JAM3: variants seen among roughly 807,000 people sequenced by gnomAD.
JAM3 encodes the protein junctional adhesion molecule C.
JAM3 carries 31 observed loss-of-function variants against 39.4 expected under a neutral mutation model. The ratio of observed to expected loss-of-function variants is 0.79; its 90% CI spans 0.59 to 1.06. The LOEUF is 1.06. Among genes scored for constraint, JAM3 ranks in the 50% least tolerant of loss-of-function variants. The probability of loss-of-function intolerance (pLI) is 0.00; values close to 1 mark genes in which losing one functional copy is unlikely to be tolerated. For synonymous variants in JAM3, 182 were observed against 148.7 expected (o/e 1.22, Z -1.63); for missense variants, 455 against 391.4 (o/e 1.16, Z -1.37).
intron 1 of JAM3, among the ~76,000 whole-genome samples, chr11:134,077,650 CTTTTTTTT>C (rs71038558): frequency 8.8e-5 from 9 of 102,038 alleles, no homozygotes; most frequent in African/African-American, 1.3e-4. Context: ...TGGCTGGCGC[CTTTTTTTT>C]TTTTTTTTTT....
At chr11:134,114,151 C>T (rs1275099677) in intron 1 of JAM3, among the ~76,000 whole-genome samples, 1 of 152,126 alleles carries the variant, frequency 6.6e-6, no homozygotes. Context: ...GTTGCCTGTT[C>T]ACTGTGATGG....
intron 1 of JAM3, among the ~76,000 whole-genome samples, chr11:134,098,149 C>G (rs761623720): frequency 1.3e-5 from 2 of 152,132 alleles, no homozygotes; most frequent in Non-Finnish European, 2.9e-5. Context: ...CACCCAAGCT[C>G]TGCTCTCCAG....
chr11:134,107,890 GA>G (rs1032820183), intron 1 of JAM3, among the ~76,000 whole-genome samples: 1 of 150,632 alleles, frequency 6.6e-6, no homozygotes, highest in African/African-American at 2.4e-5. Flanking sequence ...AGAAAAATAG[GA>G]AAAAAAATCA....
intron 6 of JAM3, among the ~76,000 whole-genome samples, chr11:134,147,260 C>G (rs1335194857): frequency 6.6e-6 from 1 of 151,712 alleles, no homozygotes; most frequent in Admixed American, 6.6e-5. Flanking sequence ...TCAAGACCAG[C>G]CTGGCCAACA....
intron 1 of JAM3, among the ~76,000 whole-genome samples, chr11:134,124,892 CGAA>C (rs1405790932): frequency 1.3e-5 from 2 of 152,244 alleles, no homozygotes; most frequent in Non-Finnish European, 2.9e-5. Context: ...TATATTCCAA[CGAA>C]AAACGCTGGC....
At chr11:134,122,588 G>A (rs2062669662) in intron 1 of JAM3, among the ~76,000 whole-genome samples, 1 of 152,102 alleles carries the variant, frequency 6.6e-6, no homozygotes. Flanking sequence ...TATGGCCTGT[G>A]GACACATACT....
At chr11:134,074,493 G>A (rs1941532816) in intron 1 of JAM3, among the ~76,000 whole-genome samples, 1 of 152,166 alleles carries the variant, frequency 6.6e-6, no homozygotes, top group African/African-American at 2.4e-5. Flanking sequence ...GTGGCTGACT[G>A]GAAGTTCAGT....
chr11:134,095,862 A>T (rs893401893), intron 1 of JAM3, among the ~76,000 whole-genome samples: 2 of 152,222 alleles, frequency 1.3e-5, no homozygotes, highest in African/African-American at 4.8e-5. Context: ...TAAGATTCAG[A>T]CAGGTTTCTA....
intron 1 of JAM3, among the ~76,000 whole-genome samples, chr11:134,136,689 C>T (rs995110617): frequency 1.3e-5 from 2 of 152,102 alleles, no homozygotes; most frequent in African/African-American, 4.8e-5. Flanking sequence ...ATACTGCCTT[C>T]TAGGATTGGC....
intron 1 of JAM3, among the ~76,000 whole-genome samples, chr11:134,105,037 G>A (rs1942155376): frequency 6.6e-6 from 1 of 152,098 alleles, no homozygotes; most frequent in Admixed American, 6.5e-5. Flanking sequence ...ACCAAAGCCT[G>A]GCAGAGACAC....
chr11:134,117,913 A>G (rs980651645), intron 1 of JAM3, among the ~76,000 whole-genome samples: 1 of 152,190 alleles, frequency 6.6e-6, no homozygotes, highest in Admixed American at 6.5e-5. Context: ...GCTATACTGG[A>G]TGGGGGTTAA....
At chr11:134,106,083 A>G (rs1485854164) in intron 1 of JAM3, among the ~76,000 whole-genome samples, 1 of 152,202 alleles carries the variant, frequency 6.6e-6, no homozygotes, top group Non-Finnish European at 1.5e-5. Flanking sequence ...GCATCATGCT[A>G]CCTGACTTCA....
At chr11:134,101,357 A>G (rs961339246) in intron 1 of JAM3, among the ~76,000 whole-genome samples, 3 of 152,228 alleles carry the variant, frequency 2.0e-5, no homozygotes, top group Non-Finnish European at 4.4e-5. Context: ...CTATTTAACT[A>G]TAAGTAGAGT....
chr11:134,127,127 A>G (rs1942663906), intron 1 of JAM3, among the ~76,000 whole-genome samples: 1 of 152,160 alleles, frequency 6.6e-6, no homozygotes, highest in South Asian at 2.1e-4. Context: ...AATTGTAGGC[A>G]TCAGAATGTA....
chr11:134,121,208 G>A (rs894643155), intron 1 of JAM3, among the ~76,000 whole-genome samples: 1 of 152,202 alleles, frequency 6.6e-6, no homozygotes, highest in Non-Finnish European at 1.5e-5. Flanking sequence ...CAAGCGAAGT[G>A]ATTGTCATAT....
chr11:134,105,714 A>G (rs1011979964), intron 1 of JAM3, among the ~76,000 whole-genome samples: 1 of 125,184 alleles, frequency 8.0e-6, no homozygotes, highest in Non-Finnish European at 1.6e-5. Context: ...AATAATAGAC[A>G]AACAGCCAAA....
chr11:134,125,719 A>G (rs1227256644), intron 1 of JAM3, among the ~76,000 whole-genome samples: 1 of 152,176 alleles, frequency 6.6e-6, no homozygotes, highest in Non-Finnish European at 1.5e-5. Context: ...ACTCAGGAGA[A>G]TGTACAGCTC....
At chr11:134,112,207 C>T (rs1247431176) in intron 1 of JAM3, among the ~76,000 whole-genome samples, 1 of 152,170 alleles carries the variant, frequency 6.6e-6, no homozygotes, top group Admixed American at 6.5e-5. Context: ...CTGCCTCAGC[C>T]TCCCAAGTAG....
chr11:134,090,407 T>C (rs1396360782), intron 1 of JAM3, among the ~76,000 whole-genome samples: 3 of 152,228 alleles, frequency 2.0e-5, no homozygotes, highest in Admixed American at 6.5e-5. Flanking sequence ...TGGTATTGCC[T>C]AGGTTTTCTT....
Sources: allele counts gnomAD v4.1 joint callset (sites outside exome capture counted in the v4.1 genomes callset), GRCh38; gene constraint gnomAD v4.1.1; transcripts MANE v1.5; gene names NCBI Gene and HGNC (gene_info 2026-07-23, HGNC 2026-07-21).